PCDH11X: variants seen among roughly 807,000 people sequenced by gnomAD.
PCDH11X encodes protocadherin 11 X-linked.
In PCDH11X, 18 loss-of-function variants were observed where a neutral mutation model predicts 53.3. The observed-to-expected ratio is 0.34, with a 90% confidence interval of 0.23 to 0.50. PCDH11X has a LOEUF of 0.50. PCDH11X is among the 20% of genes least tolerant of loss of function. The pLI, the probability that PCDH11X is intolerant of heterozygous loss-of-function variation, is 0.98. For synonymous variants in PCDH11X, 279 were observed against 393.3 expected (o/e 0.71, Z 3.44); for missense variants, 570 against 1,032.4 (o/e 0.55, Z 6.14).
At chrX:91,948,033 G>A (rs1328561164) in intron 6 of PCDH11X, among the ~76,000 whole-genome samples, 2 of 83,877 alleles carry the variant, frequency 2.4e-5, no homozygotes, top group African/African-American at 7.6e-5. Context: ...ATGGTATCCT[G>A]TTTTAGGATT....
At chrX:91,815,513 G>T (rs1183735601) in intron 4 of PCDH11X, among the ~76,000 whole-genome samples, 1 of 111,195 alleles carries the variant, frequency 9.0e-6, no homozygotes, top group Non-Finnish European at 1.9e-5. Flanking sequence ...AAATCAAACC[G>T]AAAGTATATT....
intron 10 of PCDH11X, among the ~76,000 whole-genome samples, chrX:92,570,215 T>C (rs1169736392): frequency 9.0e-6 from 1 of 111,317 alleles, no homozygotes; most frequent in Non-Finnish European, 1.9e-5. Flanking sequence ...AGTTCTACCA[T>C]ATGCAATAAA....
chrX:91,906,709 C>T (rs1941166251), intron 6 of PCDH11X, among the ~76,000 whole-genome samples: 1 of 111,779 alleles, frequency 8.9e-6, no homozygotes, highest in Admixed American at 9.5e-5. Flanking sequence ...AAGGCAAACA[C>T]AACGCCTTTA....
At chrX:92,276,087 A>C (rs931692205) in intron 8 of PCDH11X, among the ~76,000 whole-genome samples, 14 of 109,718 alleles carry the variant, frequency 1.3e-4, no homozygotes, top group Non-Finnish European at 2.3e-4. Flanking sequence ...GAGTGCATAA[A>C]AGAGTATTGT....
At chrX:92,584,628 C>A (rs898033172) in intron 10 of PCDH11X, among the ~76,000 whole-genome samples, 5 of 108,857 alleles carry the variant, frequency 4.6e-5, no homozygotes, top group African/African-American at 1.7e-4. Flanking sequence ...TAAAAATATT[C>A]CCCTAAAGAA....
intron 8 of PCDH11X, among the ~76,000 whole-genome samples, chrX:92,351,375 C>A (rs1183465904): frequency 9.0e-6 from 1 of 111,419 alleles, no homozygotes; most frequent in Admixed American, 9.6e-5. Flanking sequence ...TGTAAACTAA[C>A]AATATTCAAT....
At chrX:92,509,601 G>A (rs5984976) in intron 10 of PCDH11X, among the ~76,000 whole-genome samples, 5,731 of 111,452 alleles carry the variant, frequency 0.051, 346 homozygotes, top group African/African-American at 0.17. Context: ...TATTATAAGA[G>A]CTAATATTGT....
At chrX:92,420,515 G>A (rs772211049) in intron 9 of PCDH11X, 1 of 355,933 alleles carries the variant, frequency 2.8e-6, no homozygotes, top group Non-Finnish European at 5.4e-6. Context: ...ATCTACGAAT[G>A]CCTTTCTTTA....
chrX:92,162,155 C>T (rs1361273656), intron 6 of PCDH11X, among the ~76,000 whole-genome samples: 2 of 95,662 alleles, frequency 2.1e-5, no homozygotes, highest in Admixed American at 1.2e-4. Context: ...TGGGTTATAT[C>T]GGAGGGAAGA....
rs1374954618 is a variant in PCDH11X at position 92,460,373 on chromosome X, A to G, written c.3344-7926A>G. 6.3e-6 allele frequency: 6 copies of G among 949,045 alleles called. No individual in the cohort carries two copies. The South Asian group carries it at 1.2e-4, about 18-fold the overall frequency. The allele number at this position is 949,045 out of a possible 1,213,427, so 78.2% of individuals were successfully genotyped here. The stretch of plus-strand genomic sequence containing the variant: ...AGCTTTAGGTTGACCGTGGAGGTAG[A>G]TGCCCCCAAATCTCAGGACCTCGCC... On this transcript the variant is annotated intron_variant, in intron 9 of 10. Coordinates refer to ENST00000682573, the MANE Select transcript of PCDH11X (RefSeq NM_032968.5).
chrX:92,539,798 T>C (rs2074726419), intron 10 of PCDH11X, among the ~76,000 whole-genome samples: 1 of 111,967 alleles, frequency 8.9e-6, no homozygotes, highest in Non-Finnish European at 1.9e-5. Context: ...AATGCTGTGG[T>C]TTTTGTGGAC....
chrX:92,201,416 G>T lies in PCDH11X; in HGVS notation c.3075G>T (p.Glu1025Asp). The change falls in exon 7 of 11, where the codon GAG becomes GAT. Residue 1025 changes from glutamate to aspartate, a missense_variant. Physicochemically the swap from Glu to Asp is conservative, Grantham distance 45. This residue lies in a region of PCDH11X where 234 missense variants were observed against 296.1 expected (regional missense o/e 0.79). Transcript: ENST00000682573. ...EVVRSCTPMKESTTMEIWIHP... is the reference protein window; with the variant it reads ...EVVRSCTPMKDSTTMEIWIHP... The stretch of plus-strand genomic sequence containing the variant: ...TGCGATCTTGCACCCCCATGAAAGA[G>T]TCTACAACTATGGAGATCTGGATTC... 1 of 1,205,138 alleles carries T rather than the reference G, an allele frequency of 8.3e-7. No individual in the cohort carries two copies. The highest frequency in any genetic ancestry group is 1.1e-6 in the Non-Finnish European group (1 of 891,157).
At chrX:91,808,409 T>G (rs1342806501) in intron 1 of PCDH11X, among the ~76,000 whole-genome samples, 1 of 108,860 alleles carries the variant, frequency 9.2e-6, no homozygotes, top group Non-Finnish European at 1.9e-5. Context: ...GCAGGACAAT[T>G]GCTTGAACCC....
At chrX:92,083,623 T>G (rs780187975) in intron 6 of PCDH11X, among the ~76,000 whole-genome samples, 1 of 111,715 alleles carries the variant, frequency 9.0e-6, no homozygotes, top group African/African-American at 3.2e-5. Context: ...CACTGTTTCT[T>G]AAAGCTGCAT....
chrX:91,952,837 C>T (rs1158038942), intron 6 of PCDH11X, among the ~76,000 whole-genome samples: 1 of 111,779 alleles, frequency 8.9e-6, no homozygotes, highest in Non-Finnish European at 1.9e-5. Flanking sequence ...TACATATAAA[C>T]AATGGAGTAC....
At chrX:91,953,296 T>C (rs1401829074) in intron 6 of PCDH11X, among the ~76,000 whole-genome samples, 12 of 110,475 alleles carry the variant, frequency 1.1e-4, no homozygotes, top group Non-Finnish European at 1.1e-4. Flanking sequence ...ACATCTTATA[T>C]ACACCATAAA....
chrX:92,539,909 A>G (rs1279841695), intron 10 of PCDH11X, among the ~76,000 whole-genome samples: 4 of 111,106 alleles, frequency 3.6e-5, no homozygotes, highest in Admixed American at 1.9e-4. Context: ...TCTCCCAAAC[A>G]GTGCCTCTCT....
At chrX:91,875,083 C>T (rs1261024540) in intron 5 of PCDH11X, among the ~76,000 whole-genome samples, 4 of 109,682 alleles carry the variant, frequency 3.6e-5, no homozygotes, top group Non-Finnish European at 5.7e-5. Context: ...CATAAATCAC[C>T]CATGAATAGG....
At chrX:91,787,889 A>G (rs1222584886) in intron 1 of PCDH11X, among the ~76,000 whole-genome samples, 1 of 110,786 alleles carries the variant, frequency 9.0e-6, no homozygotes, top group African/African-American at 3.3e-5. Context: ...TGAATTCAAC[A>G]AATATTCGTT....
Sources: gnomAD v4.1 joint callset for allele counts (sites outside exome capture counted in the v4.1 genomes callset) on GRCh38, gnomAD v4.1.1 for gene constraint, gnomAD v4.1.1 regional missense constraint, MANE v1.5 for transcripts, NCBI Gene and HGNC (gene_info 2026-07-23, HGNC 2026-07-21) for gene names.